The following BMERB1 variants were observed in gnomAD, a reference collection of about 807,000 sequenced individuals.
BMERB1 encodes bMERB domain containing 1, also known as bMERB domain-containing protein 1.
Under a neutral mutation model 23.6 loss-of-function variants are expected in BMERB1, and 12 were observed. The observed-to-expected ratio is 0.51, with a 90% CI of 0.33 to 0.82. The LOEUF (loss-of-function observed/expected upper bound fraction) is 0.82, where lower values mean the gene tolerates loss of function less well. BMERB1 is among the 40% of genes least tolerant of loss of function. BMERB1 has a pLI of 0.03. For missense variants in BMERB1, 247 were observed against 255.4 expected (o/e 0.97, Z 0.22); for synonymous variants, 122 against 96.6 (o/e 1.26, Z -1.54).
chr16:15,515,977 T>C (rs1454794678), intron 2 of BMERB1, among the ~76,000 whole-genome samples: 1 of 152,176 alleles, frequency 6.6e-6, no homozygotes, highest in African/African-American at 2.4e-5. Context: ...AAAGTTGGGC[T>C]CTGAGTGTGT....
chr16:15,565,324 C>A (rs1449753025), intron 2 of BMERB1, among the ~76,000 whole-genome samples: 1 of 152,200 alleles, frequency 6.6e-6, no homozygotes. Flanking sequence ...AATATGATTT[C>A]TGTCCTCTGG....
At chr16:15,520,462 C>G (rs142816255) in intron 2 of BMERB1, among the ~76,000 whole-genome samples, 10 of 149,424 alleles carry the variant, frequency 6.7e-5, no homozygotes, top group Admixed American at 2.7e-4. Flanking sequence ...ACCCAATAGT[C>G]CCATCATAGA....
chr16:15,498,203 G>A (rs1237181382), intron 1 of BMERB1, among the ~76,000 whole-genome samples: 1 of 151,942 alleles, frequency 6.6e-6, no homozygotes, highest in Non-Finnish European at 1.5e-5. Flanking sequence ...ATCACACCTA[G>A]GTAAGTCTCA....
chr16:15,468,138 T>TC (rs2051198708), intron 1 of BMERB1, among the ~76,000 whole-genome samples: 1 of 11,920 alleles, frequency 8.4e-5, no homozygotes, highest in Non-Finnish European at 2.6e-4. Context: ...TCTTCTTCTT[T>TC]TTTTTTTTTT....
intron 3 of BMERB1, among the ~76,000 whole-genome samples, chr16:15,578,045 G>A (rs1230467492): frequency 6.6e-6 from 1 of 152,152 alleles, no homozygotes; most frequent in Non-Finnish European, 1.5e-5. Context: ...TCACCTGATG[G>A]TTGCCTGGCA....
chr16:15,446,292 G>T (rs550390510), intron 1 of BMERB1, among the ~76,000 whole-genome samples: 13 of 152,228 alleles, frequency 8.5e-5, no homozygotes, highest in African/African-American at 2.9e-4. Context: ...GCTACCCGGG[G>T]GCTGAGGTGG....
chr16:15,475,628 C>T (rs774077290), intron 1 of BMERB1, among the ~76,000 whole-genome samples: 7 of 152,170 alleles, frequency 4.6e-5, no homozygotes, highest in Non-Finnish European at 1.0e-4. Context: ...GAAGCTCACT[C>T]AAGCCTTGGT....
intron 1 of BMERB1, among the ~76,000 whole-genome samples, chr16:15,515,065 G>C (rs1461513664): frequency 2.0e-5 from 3 of 152,222 alleles, no homozygotes; most frequent in Non-Finnish European, 4.4e-5. Flanking sequence ...CTGGGCGACA[G>C]AGCCAGACTC....
intron 2 of BMERB1, among the ~76,000 whole-genome samples, chr16:15,555,487 CTTGAGGAAG>C (rs971377519): frequency 5.9e-5 from 9 of 152,202 alleles, no homozygotes; most frequent in African/African-American, 2.2e-4. Flanking sequence ...ATAAACTGCG[CTTGAGGAAG>C]TTGACATTTG....
intron 1 of BMERB1, among the ~76,000 whole-genome samples, chr16:15,496,752 A>G (rs1240183436): frequency 6.6e-6 from 1 of 151,970 alleles, no homozygotes; most frequent in Non-Finnish European, 1.5e-5. Flanking sequence ...GTTAGCCAGG[A>G]TGGTCTTGAT....
chr16:15,567,068 G>A (rs561868759), intron 2 of BMERB1, among the ~76,000 whole-genome samples: 8 of 152,038 alleles, frequency 5.3e-5, no homozygotes, highest in Admixed American at 3.9e-4. Flanking sequence ...TCCGTAGGGG[G>A]CTGGGGTTGG....
At chr16:15,501,287 C>CTT (rs71152437) in intron 1 of BMERB1, among the ~76,000 whole-genome samples, 25 of 64,876 alleles carry the variant, frequency 3.9e-4, no homozygotes, top group East Asian at 1.3e-3. Flanking sequence ...GCTCTTTTTA[C>CTT]TTTTTTTTTT....
intron 1 of BMERB1, among the ~76,000 whole-genome samples, chr16:15,508,676 A>T (rs925173258): frequency 2.6e-5 from 4 of 151,938 alleles, no homozygotes; most frequent in African/African-American, 9.7e-5. Flanking sequence ...GTACAAAAAA[A>T]GTCACTGGGT....
chr16:15,437,296 G>T (rs1416628340), intron 1 of BMERB1, among the ~76,000 whole-genome samples: 2 of 152,146 alleles, frequency 1.3e-5, no homozygotes, highest in Non-Finnish European at 2.9e-5. Flanking sequence ...TGCCTTGCTG[G>T]CTATGTGACT....
chr16:15,454,416 A>G (rs970962706), intron 1 of BMERB1, among the ~76,000 whole-genome samples: 8 of 152,370 alleles, frequency 5.3e-5, no homozygotes, highest in African/African-American at 1.9e-4. Context: ...CACTGGGGAC[A>G]GAATTTCAAA....
At chr16:15,561,283 T>TC in intron 2 of BMERB1, among the ~76,000 whole-genome samples, 1 of 131,070 alleles carries the variant, frequency 7.6e-6, no homozygotes, top group Non-Finnish European at 1.6e-5. Flanking sequence ...TTTTTTTTTT[T>TC]TGGGAGAAGG....
chr16:15,544,298 C>T (rs1171891175), intron 2 of BMERB1, among the ~76,000 whole-genome samples: 1 of 152,202 alleles, frequency 6.6e-6, no homozygotes, highest in Non-Finnish European at 1.5e-5. Flanking sequence ...GTTCATTCCA[C>T]ATTTGTATGA....
intron 1 of BMERB1, among the ~76,000 whole-genome samples, chr16:15,486,087 C>A (rs2051365786): frequency 6.7e-6 from 1 of 149,296 alleles, no homozygotes; most frequent in African/African-American, 2.5e-5. Context: ...ACTAAAAATA[C>A]AAAAATTAGC....
intron 1 of BMERB1, among the ~76,000 whole-genome samples, chr16:15,439,331 G>C (rs184768476): frequency 7.0e-6 from 1 of 142,268 alleles, no homozygotes; most frequent in Non-Finnish European, 1.5e-5. Flanking sequence ...GTAGTAATGC[G>C]CACTTCGGAC....
Sources: gnomAD v4.1 joint callset for allele counts (sites outside exome capture counted in the v4.1 genomes callset) on GRCh38, gnomAD v4.1.1 for gene constraint, MANE v1.5 for transcripts, NCBI Gene and HGNC (gene_info 2026-07-23, HGNC 2026-07-21) for gene names.